The following PRR14L variants were observed in gnomAD, a reference collection of about 807,000 sequenced individuals.
PRR14L encodes the protein proline rich 14 like.
In PRR14L, 80 loss-of-function variants were observed where a neutral mutation model predicts 155.0. The observed-to-expected ratio is 0.52, with a 90% confidence interval of 0.43 to 0.62. The LOEUF is 0.62. Ranked by LOEUF, PRR14L falls within the 20% of genes least tolerant of loss-of-function variation. The pLI, the probability that PRR14L is intolerant of heterozygous loss-of-function variation, is 0.00. For synonymous variants in PRR14L, 883 were observed against 916.0 expected (o/e 0.96, Z 0.65); for missense variants, 2,469 against 2,548.0 (o/e 0.97, Z 0.67).
chr22:31,691,518 G>A (rs564237417), intron 7 of PRR14L, among the ~76,000 whole-genome samples: 14 of 152,230 alleles, frequency 9.2e-5, no homozygotes, highest in Non-Finnish European at 1.9e-4. Context: ...ACCACAACCA[G>A]CCTTAAAACA....
At chr22:31,701,095 C>T (rs1338088092) in intron 7 of PRR14L, among the ~76,000 whole-genome samples, 1 of 151,892 alleles carries the variant, frequency 6.6e-6, no homozygotes, top group Non-Finnish European at 1.5e-5. Context: ...TCAAGCGAAT[C>T]TCCTGCCTCA....
chr22:31,685,894 C>T, intron 8 of PRR14L, 91 bp from the exon 9 acceptor site: 4 of 1,187,618 alleles, frequency 3.4e-6, no homozygotes, highest in Non-Finnish European at 4.7e-6. Context: ...GGGTCAACAA[C>T]CCTTCTAGTC....
chr22:31,730,937 G>GT (rs1425634305), intron 2 of PRR14L, among the ~76,000 whole-genome samples: 4 of 152,280 alleles, frequency 2.6e-5, no homozygotes, highest in East Asian at 3.9e-4. Context: ...TGCTGCAAAA[G>GT]TAAGTGTCGA....
At chr22:31,697,913 A>G (rs2074543386) in intron 7 of PRR14L, among the ~76,000 whole-genome samples, 2 of 152,160 alleles carry the variant, frequency 1.3e-5, no homozygotes, top group South Asian at 4.1e-4. Context: ...TACTGGGACT[A>G]CCAAACACTT....
intron 7 of PRR14L, 112 bp from the exon 8 acceptor site, chr22:31,688,339 T>C: frequency 7.6e-7 from 1 of 1,322,958 alleles, no homozygotes; most frequent in Non-Finnish European, 9.8e-7. Context: ...CATAGCTCAC[T>C]GCAGCCTTAA....
At chr22:31,735,504 G>A (rs1246343709) in intron 2 of PRR14L, among the ~76,000 whole-genome samples, 1 of 151,694 alleles carries the variant, frequency 6.6e-6, no homozygotes, top group Non-Finnish European at 1.5e-5. Context: ...ATGTAAGCAT[G>A]TGTATGTATA....
intron 1 of PRR14L, among the ~76,000 whole-genome samples, chr22:31,747,686 C>G (rs1569501589): frequency 6.6e-6 from 1 of 151,692 alleles, no homozygotes; most frequent in Non-Finnish European, 1.5e-5. Context: ...TCCCACTAAT[C>G]CCCTCTGCAA....
chr22:31,707,820 T>C (rs1324086234), intron 4 of PRR14L, among the ~76,000 whole-genome samples: 1 of 152,190 alleles, frequency 6.6e-6, no homozygotes, highest in African/African-American at 2.4e-5. Flanking sequence ...TCTAACGTAT[T>C]TTCATGGCTG....
chr22:31,715,796 T>C lies in PRR14L; in HGVS notation c.2043A>G (p.Ala681=), dbSNP rs1322276440. 8.4e-6 allele frequency: 13 copies of C among 1,551,752 alleles called. No individual in the cohort carries two copies. Among genetic ancestry groups the C allele is most frequent in the East Asian group, 2.4e-5 (1 of 40,928 alleles). The change falls in exon 4 of 9, where the codon GCA becomes GCG. Residue 681 remains alanine, a synonymous_variant. Coordinates refer to ENST00000327423, the MANE Select transcript of PRR14L (RefSeq NM_173566.3). ...LLHLNKEMPL[A]TGRDAHQSHH... ...GGCTCTGATGGGCATCTCTGCCTGT[T>C]GCTAAAGGCATCTCTTTGTTTAAAT...
At chr22:31,740,365 G>A (rs953113410) in intron 1 of PRR14L, among the ~76,000 whole-genome samples, 3 of 152,268 alleles carry the variant, frequency 2.0e-5, no homozygotes, top group African/African-American at 2.4e-5. Context: ...GACTACAGGC[G>A]TGTGCCACCA....
intron 1 of PRR14L, among the ~76,000 whole-genome samples, chr22:31,742,346 G>C (rs116714838): frequency 0.015 from 2,248 of 150,710 alleles, 58 homozygotes; most frequent in African/African-American, 0.053. Context: ...CCTCTGTAAT[G>C]AGGATGACTC....
intron 6 of PRR14L, 68 bp downstream of exon 6, chr22:31,703,482 C>T (rs942448781): frequency 2.0e-5 from 29 of 1,441,384 alleles, no homozygotes; most frequent in Middle Eastern, 2.4e-4. Context: ...AGCTATAATG[C>T]GATGTGAGTT....
intron 1 of PRR14L, among the ~76,000 whole-genome samples, chr22:31,740,149 C>T (rs779012924): frequency 6.6e-6 from 1 of 152,164 alleles, no homozygotes; most frequent in Non-Finnish European, 1.5e-5. Flanking sequence ...CAGCCTCCCT[C>T]TCCCAGACTC....
chr22:31,685,526 C>T lies in PRR14L; in HGVS notation c.*1G>A, dbSNP rs757360465. On this transcript the variant is annotated 3_prime_UTR_variant, in exon 9 of 9. Transcript: ENST00000327423. ...TTGAGACCCTCAAACTGAATCGCTT[C>T]TCAACAGCCTGATGATTGTTCCTGC... The T allele has an allele frequency of 2.6e-6, 4 of 1,545,238 alleles. No homozygotes were observed. Among genetic ancestry groups the T allele is most frequent in the East Asian group, 2.5e-5 (1 of 40,742 alleles).
intron 3 of PRR14L, among the ~76,000 whole-genome samples, chr22:31,722,694 G>GT (rs900090135): frequency 2.8e-4 from 43 of 151,438 alleles, no homozygotes; most frequent in African/African-American, 9.7e-4. Context: ...GGCTAATTTT[G>GT]TTTTTTTTCT....
At chr22:31,741,095 T>C (rs1430698807) in intron 1 of PRR14L, among the ~76,000 whole-genome samples, 1 of 151,352 alleles carries the variant, frequency 6.6e-6, no homozygotes. Context: ...CTACTAAAAA[T>C]ACAAAAAATT....
At position 31,712,618 on chromosome 22, in the gene PRR14L, G is replaced by A. The variant is rs1318968155; in HGVS notation, c.5221C>T (p.His1741Tyr). Residue 1741 changes from histidine to tyrosine, a missense_variant, in exon 4 of 9, where the codon CAC becomes TAC. This residue lies in a region of PRR14L where 2,363 missense variants were observed against 2,371.6 expected (regional missense o/e 1.00). Transcript: ENST00000327423. ...TTESSRTFPE[H>Y]CAPARLALGE... ...AAGGCAAGCCTTGCCGGAGCACAGT[G>A]CTCAGGAAAAGTCCTTGAGGACTCA... 1.3e-6 allele frequency: 2 copies of A among 1,551,748 alleles called. No homozygotes were observed. Among genetic ancestry groups the A allele is most frequent in the East Asian group, 4.9e-5 (2 of 40,914 alleles).
intron 1 of PRR14L, among the ~76,000 whole-genome samples, chr22:31,745,325 G>C (rs62238886): frequency 2.0e-5 from 3 of 151,766 alleles, no homozygotes; most frequent in Non-Finnish European, 4.4e-5. Flanking sequence ...TGCAGTGAGC[G>C]GAGATTGTGC....
At position 31,715,741 on chromosome 22, in the gene PRR14L, C is replaced by T. The variant is rs1350389467; in HGVS notation, c.2098G>A (p.Val700Ile). 2.6e-6 allele frequency: 4 copies of T among 1,552,152 alleles called. No homozygotes were observed. Among genetic ancestry groups the T allele is most frequent in the Non-Finnish European group, 1.7e-6 (2 of 1,147,034 alleles). ...GGAATGGTTTGTATATCAGCAATGA[C>T]ATCTGCTCTACCCTCTAATGGAGGG... ...HHPPLEGRAD[V>I]IADIQTIPIQ... Residue 700 changes from valine (V) to isoleucine (I), a missense_variant, in exon 4 of 9, where the codon GTC becomes ATC. By Grantham distance (29) the Val-to-Ile change is conservative. Transcript: ENST00000327423.
Sources: allele counts gnomAD v4.1 joint callset (sites outside exome capture counted in the v4.1 genomes callset), GRCh38; gene constraint gnomAD v4.1.1; regional missense constraint gnomAD v4.1.1; transcripts MANE v1.5; gene names NCBI Gene and HGNC (gene_info 2026-07-23, HGNC 2026-07-21).